TULP4: variants seen among roughly 807,000 people sequenced by gnomAD.
TULP4 encodes the protein tubby-related protein 4.
In TULP4, 16 loss-of-function variants were observed where a neutral mutation model predicts 129.0. The observed-to-expected ratio is 0.12, with a 90% CI of 0.08 to 0.19. The LOEUF is 0.19. TULP4 is among the 10% of genes least tolerant of loss of function. TULP4 has a pLI of 1.00. For missense variants in TULP4, 1,842 were observed against 2,059.1 expected, an observed-to-expected ratio of 0.89 and a Z score of 2.04; for synonymous variants, 998 against 854.0, an observed-to-expected ratio of 1.17 and a Z score of -2.94.
chr6:158,451,439 C>A lies in TULP4; in HGVS notation c.725-695C>A, dbSNP rs557303896. Among the ~76,000 whole-genome samples the A allele has an allele frequency of 2.0e-4, 30 of 152,308 alleles. 1 individual carries two copies. The highest frequency in any genetic ancestry group is 1.8e-4 in the Non-Finnish European group (12 of 68,018). On this transcript the variant is annotated intron_variant, in intron 4 of 13. Coordinates refer to ENST00000367097, the MANE Select transcript of TULP4 (RefSeq NM_020245.5). ...GAAGCCTACAGGAGCCTTCTGAAAA[C>A]GTTGCTCTATCTAGGCATCTAGGAA...
chr6:158,502,746 C>T lies in TULP4; in HGVS notation c.3083C>T (p.Ala1028Val), dbSNP rs199631281. ...GGGGGGGTGGTGACACAGCTCCCAG[C>T]GCGGCCCCCACCTGCCCTGTACACC... ...GPGGVVTQLP[A>V]RPPPALYTCS... The change falls in exon 13 of 14, where the codon GCG becomes GTG. Residue 1028 changes from alanine to valine, a missense_variant. Ala to Val is a moderately conservative substitution (Grantham distance 64). Around this residue, in one of 5 missense-constraint regions of TULP4, gnomAD observed 1,089 missense variants for 987.1 expected, o/e 1.10. Transcript: ENST00000367097. The T allele has an allele frequency of 2.3e-4, 360 of 1,584,602 alleles. No homozygotes were observed. Among genetic ancestry groups the T allele is most frequent in the East Asian group, 1.5e-3 (67 of 44,404 alleles).
chr6:158,384,489 T>C (rs1777396138), intron 1 of TULP4, among the ~76,000 whole-genome samples: 1 of 152,020 alleles, frequency 6.6e-6, no homozygotes, highest in South Asian at 2.1e-4. Context: ...GGGGTTTCAC[T>C]GTGTTAGCCA....
rs376678333 is a variant in TULP4 at position 158,453,656 on chromosome 6, G to A, written c.859+1388G>A. Among the ~76,000 whole-genome samples the A allele has an allele frequency of 7.5e-4, 114 of 151,936 alleles. 2 individuals are homozygous for A. The highest frequency in any genetic ancestry group is 2.7e-3 in the African/African-American group (111 of 41,376). ...ATACACAAATTAGCTGGGCGTGGTA[G>A]CAGGTGCCTGTAATCCCAGCTACTC... On this transcript the variant is annotated intron_variant, in intron 5 of 13. Transcript: ENST00000367097.
chr6:158,462,202 T>C (rs1335285987), intron 6 of TULP4, among the ~76,000 whole-genome samples: 1 of 152,124 alleles, frequency 6.6e-6, no homozygotes, highest in Non-Finnish European at 1.5e-5. Flanking sequence ...CAAAACATTC[T>C]CTTAGACTAC....
chr6:158,419,843 A>C (rs141054194), intron 2 of TULP4, among the ~76,000 whole-genome samples: 370 of 152,356 alleles, frequency 2.4e-3, no homozygotes, highest in African/African-American at 8.6e-3. Flanking sequence ...AATAGAACTG[A>C]AAGGAAAAAT....
At chr6:158,394,865 C>T (rs878585) in intron 1 of TULP4, among the ~76,000 whole-genome samples, 33,621 of 147,180 alleles carry the variant, frequency 0.23, 4,733 homozygotes, top group Middle Eastern at 0.34. Flanking sequence ...TTAATTGCCT[C>T]ACAATTCCAC....
chr6:158,307,054 C>T (rs1304286074), intron 1 of TULP4, among the ~76,000 whole-genome samples: 1 of 152,016 alleles, frequency 6.6e-6, no homozygotes, highest in African/African-American at 2.4e-5. Context: ...AAAAATATTC[C>T]CTAATTTATT....
intron 1 of TULP4, among the ~76,000 whole-genome samples, chr6:158,340,841 C>T (rs748706280): frequency 8.5e-5 from 13 of 152,132 alleles, no homozygotes; most frequent in Non-Finnish European, 1.3e-4. Flanking sequence ...AGTTTAACAA[C>T]GGTTGCTTGA....
chr6:158,320,525 A>T (rs1779601386), intron 1 of TULP4, among the ~76,000 whole-genome samples: 1 of 150,422 alleles, frequency 6.6e-6, no homozygotes, highest in African/African-American at 2.5e-5. Flanking sequence ...TCCGCCCCCC[A>T]GGTTCAAGCC....
intron 1 of TULP4, among the ~76,000 whole-genome samples, chr6:158,411,184 G>A (rs1778093154): frequency 6.7e-6 from 1 of 148,668 alleles, no homozygotes; most frequent in African/African-American, 2.5e-5. Context: ...CTTCTATATA[G>A]TTCAAAGATA....
At chr6:158,397,209 A>G (rs2114968023) in intron 1 of TULP4, among the ~76,000 whole-genome samples, 1 of 152,342 alleles carries the variant, frequency 6.6e-6, no homozygotes, top group Middle Eastern at 3.4e-3. Context: ...GGCCAGGGTC[A>G]CAGGTACCTG....
At chr6:158,352,173 A>T (rs1780540999) in intron 1 of TULP4, among the ~76,000 whole-genome samples, 1 of 152,170 alleles carries the variant, frequency 6.6e-6, no homozygotes, top group South Asian at 2.1e-4. Context: ...ATAGTTTAAA[A>T]TTTTTCTTGT....
At chr6:158,486,369 A>C (rs1037598458) in intron 8 of TULP4, among the ~76,000 whole-genome samples, 3 of 152,114 alleles carry the variant, frequency 2.0e-5, no homozygotes, top group Non-Finnish European at 2.9e-5. Context: ...CTGGCTAACA[A>C]GGTGAAACCC....
At chr6:158,443,809 G>A (rs1778953573) in intron 3 of TULP4, among the ~76,000 whole-genome samples, 1 of 151,882 alleles carries the variant, frequency 6.6e-6, no homozygotes, top group Non-Finnish European at 1.5e-5. Flanking sequence ...CAATTGAGCA[G>A]TTCTGTCATT....
intron 1 of TULP4, among the ~76,000 whole-genome samples, chr6:158,375,182 G>T (rs1177202324): frequency 3.3e-5 from 5 of 152,204 alleles, no homozygotes; most frequent in Non-Finnish European, 7.3e-5. Flanking sequence ...GGCAGAGGTT[G>T]CAGTGAACCG....
chr6:158,449,815 C>G (rs1310601504), intron 4 of TULP4, among the ~76,000 whole-genome samples: 2 of 152,130 alleles, frequency 1.3e-5, no homozygotes, highest in South Asian at 2.1e-4. Flanking sequence ...TCCCCAGAAT[C>G]AGTGTGCAGC....
chr6:158,310,798 C>T (rs1384374113), upstream of TULP4, among the ~76,000 whole-genome samples: 1 of 152,086 alleles, frequency 6.6e-6, no homozygotes, highest in Non-Finnish European at 1.5e-5. Context: ...CATGCTTTTT[C>T]CTGGGACTAC....
chr6:158,332,121 G>A (rs1371643782), intron 1 of TULP4, among the ~76,000 whole-genome samples: 13 of 142,654 alleles, frequency 9.1e-5, no homozygotes, highest in East Asian at 2.1e-4. Flanking sequence ...GCAGTTAGCC[G>A]AGATCACGCC....
intron 3 of TULP4, among the ~76,000 whole-genome samples, chr6:158,447,000 A>G (rs1027766142): frequency 1.3e-5 from 2 of 152,210 alleles, no homozygotes; most frequent in Non-Finnish European, 2.9e-5. Flanking sequence ...CATTCAGTCC[A>G]TAATAGTCCA....
Sources: allele counts gnomAD v4.1 joint callset (sites outside exome capture counted in the v4.1 genomes callset), GRCh38; gene constraint gnomAD v4.1.1; regional missense constraint gnomAD v4.1.1; transcripts MANE v1.5; gene names NCBI Gene and HGNC (gene_info 2026-07-23, HGNC 2026-07-21).